The following CHL1 variants were observed in gnomAD, a reference collection of about 807,000 sequenced individuals.
CHL1 encodes the protein cell adhesion molecule L1 like.
In CHL1, 96 loss-of-function variants were observed where a neutral mutation model predicts 141.9. The ratio of observed to expected loss-of-function variants is 0.68; its 90% CI spans 0.57 to 0.80. The LOEUF is 0.80. Among genes scored for constraint, CHL1 ranks in the 30% least tolerant of loss-of-function variants. The pLI, the probability that CHL1 is intolerant of heterozygous loss-of-function variation, is 0.00. For missense variants in CHL1, 1,820 were observed against 1,457.2 expected (o/e 1.25, Z -4.05); for synonymous variants, 613 against 502.2 (o/e 1.22, Z -2.95).
chr3:231,038 C>A (rs1248132917), intron 1 of CHL1, among the ~76,000 whole-genome samples: 1 of 152,132 alleles, frequency 6.6e-6, no homozygotes, highest in Admixed American at 6.5e-5. Flanking sequence ...TAATCTCAAC[C>A]AATTTTCCTT....
rs190481078 is a variant in CHL1, at chr3:241,303, G to A, written c.-174-3310G>A. Among the ~76,000 whole-genome samples, 146 of 152,274 alleles carry A rather than the reference G, an allele frequency of 9.6e-4. 1 individual carries two copies. Among genetic ancestry groups the A allele is most frequent in the Admixed American group, 2.7e-3 (41 of 15,304 alleles). On this transcript the variant is annotated intron_variant, in intron 1 of 27. Transcript: ENST00000256509. ...TGAAGCCAAGTTTTCTTCCAGCATG[G>A]CAAGCAATCACCATTTCTCTTGCTG...
intron 1 of CHL1, among the ~76,000 whole-genome samples, chr3:222,437 G>A (rs1454452426): frequency 6.6e-6 from 1 of 152,176 alleles, no homozygotes; most frequent in Non-Finnish European, 1.5e-5. Context: ...ATATGCATGT[G>A]GAGAATCACA....
At position 205,915 on chromosome 3, in the gene CHL1, A is replaced by G. The variant is rs758169610; in HGVS notation, c.-175+8852A>G. Among the ~76,000 whole-genome samples the G allele has an allele frequency of 5.0e-4, 76 of 152,230 alleles. 1 individual carries two copies. Among genetic ancestry groups the G allele is most frequent in the Admixed American group, 2.0e-4 (3 of 15,286 alleles). Reference sequence around the variant, plus strand: ...CACAGAAGGGTCCTTGTCCAATGTCACACAATATGTCTTGCAGTACCAGAG... The same window carrying G: ...CACAGAAGGGTCCTTGTCCAATGTCGCACAATATGTCTTGCAGTACCAGAG... On this transcript the variant is annotated intron_variant, in intron 1 of 27. Coordinates refer to ENST00000256509, the MANE Select transcript of CHL1 (RefSeq NM_006614.4).
rs1385312106 is a variant in CHL1 at position 389,418 on chromosome 3, A to G, written c.2414A>G (p.Asn805Ser). The change falls in exon 20 of 28, where the codon AAT becomes AGT. Residue 805 changes from asparagine to serine, a missense_variant. Asn to Ser is a conservative substitution (Grantham distance 46). Coordinates refer to ENST00000256509, the MANE Select transcript of CHL1 (RefSeq NM_006614.4). The part of the protein sequence containing the change: ...APYDVKVQAI[N>S]QLGSGPDPQS... Reference sequence around the variant, plus strand: ...TATGATGTCAAGGTCCAGGCTATCAATCAACTAGGATCTGGGCCTGACCCT... The same window carrying G: ...TATGATGTCAAGGTCCAGGCTATCAGTCAACTAGGATCTGGGCCTGACCCT... 3.7e-6 allele frequency: 6 copies of G among 1,614,106 alleles called. No homozygotes were observed. In the African/African-American group the frequency reaches 4.0e-5, roughly 11 times the overall value.
chr3:234,808 A>T (rs996033385), intron 1 of CHL1, among the ~76,000 whole-genome samples: 5 of 152,266 alleles, frequency 3.3e-5, no homozygotes, highest in Admixed American at 3.3e-4. Context: ...TGCCAGACAC[A>T]GAATAGTCAA....
chr3:328,029 T>C, intron 4 of CHL1, 138 bp from the exon 5 acceptor site: 3 of 482,388 alleles, frequency 6.2e-6, no homozygotes, highest in Non-Finnish European at 1.1e-5. Context: ...CCCTTATTTA[T>C]ATCCTGTTAT....
chr3:343,467 T>C (rs1292177026), intron 8 of CHL1, among the ~76,000 whole-genome samples: 1 of 152,200 alleles, frequency 6.6e-6, no homozygotes, highest in Non-Finnish European at 1.5e-5. Context: ...CAACTGTACA[T>C]TGTGGCTTTC....
chr3:343,958 A>G (rs867443386), intron 8 of CHL1, among the ~76,000 whole-genome samples: 2 of 152,218 alleles, frequency 1.3e-5, no homozygotes, highest in South Asian at 4.1e-4. Context: ...AAGTCTTCTA[A>G]TTTGCCATTG....
At chr3:271,667 G>A (rs1695647635) in intron 2 of CHL1, among the ~76,000 whole-genome samples, 1 of 152,212 alleles carries the variant, frequency 6.6e-6, no homozygotes, top group African/African-American at 2.4e-5. Flanking sequence ...GCGCAGAGCA[G>A]AGAAGGCTGA....
rs59933682 is a variant in CHL1, at chr3:377,983, T to C, written c.1876+41T>C. On this transcript the variant is annotated intron_variant, in intron 16 of 27. Coordinates refer to ENST00000256509, the MANE Select transcript of CHL1 (RefSeq NM_006614.4). ...AATGAGAAATCTGTTCATTTCTTCA[T>C]TTCTGATTAAATCCCATCGTTCCTG... 6.1e-3 allele frequency: 9,513 copies of C among 1,549,682 alleles called. 510 individuals are homozygous for C. The African/African-American group carries it at 0.12, about 19-fold the overall frequency.
In CHL1 at chr3:321,040, G is replaced by C. The variant is rs55634091; in HGVS notation, c.91+1173G>C. ...AAAAGTGTTGGGACTTAACTAAAAC[G>C]TTGCTTTTGAAGTGCTCAGACAGAC... On this transcript the variant is annotated intron_variant, in intron 3 of 27. Coordinates refer to ENST00000256509, the MANE Select transcript of CHL1 (RefSeq NM_006614.4). 6.7e-3 allele frequency among the ~76,000 whole-genome samples: 1,026 copies of C among 152,028 alleles called. 8 individuals are homozygous for C. Among genetic ancestry groups the C allele is most frequent in the African/African-American group, 0.023 (972 of 41,494 alleles).
At chr3:324,954 T>C (rs1700893431) in intron 3 of CHL1, among the ~76,000 whole-genome samples, 1 of 151,910 alleles carries the variant, frequency 6.6e-6, no homozygotes, top group Admixed American at 6.6e-5. Context: ...ACAGAGTTTG[T>C]CACAAGAGGA....
At chr3:350,899 G>C (rs1283940352) in intron 10 of CHL1, among the ~76,000 whole-genome samples, 1 of 152,140 alleles carries the variant, frequency 6.6e-6, no homozygotes, top group Non-Finnish European at 1.5e-5. Flanking sequence ...GAGTTTGAAA[G>C]ATTTATGTTA....
At chr3:209,341 T>C (rs1044490754) in intron 1 of CHL1, among the ~76,000 whole-genome samples, 1 of 152,180 alleles carries the variant, frequency 6.6e-6, no homozygotes, top group African/African-American at 2.4e-5. Context: ...TTAATATATT[T>C]CTTCCGCAAG....
Position 385,441 on chromosome 3 carries a change from C to A in CHL1, c.2247+1555C>A, listed in dbSNP as rs572003929. Among the ~76,000 whole-genome samples the A allele has an allele frequency of 2.0e-4, 30 of 152,306 alleles. No homozygotes were observed. In the South Asian group the frequency reaches 6.0e-3, roughly 30 times the overall value. ...GGCCAGAAATCTTCAGTCTTTTTGA[C>A]TGCTCCTCTCACTCATAAGTCATTT... On this transcript the variant is annotated intron_variant, in intron 19 of 27. Transcript: ENST00000256509.
At chr3:269,044 C>T (rs1695411284) in intron 2 of CHL1, among the ~76,000 whole-genome samples, 2 of 152,154 alleles carry the variant, frequency 1.3e-5, no homozygotes, top group South Asian at 4.1e-4. Flanking sequence ...GCCTGGTATA[C>T]CATTTACTAA....
At chr3:279,042 C>T (rs887569044) in intron 2 of CHL1, among the ~76,000 whole-genome samples, 1 of 152,060 alleles carries the variant, frequency 6.6e-6, no homozygotes, top group Non-Finnish European at 1.5e-5. Context: ...GAAAAAGGGA[C>T]CCACAGAAAA....
At chr3:319,078 G>C (rs758037450) in intron 2 of CHL1, among the ~76,000 whole-genome samples, 1 of 148,972 alleles carries the variant, frequency 6.7e-6, no homozygotes, top group Non-Finnish European at 1.5e-5. Context: ...AATACCACAT[G>C]TTCTCATTTA....
At chr3:215,727 G>C (rs762849487) in intron 1 of CHL1, among the ~76,000 whole-genome samples, 7 of 151,988 alleles carry the variant, frequency 4.6e-5, no homozygotes, top group Non-Finnish European at 8.8e-5. Flanking sequence ...GCATTACAAA[G>C]TGACATCTAT....
Sources: allele counts gnomAD v4.1 joint callset (sites outside exome capture counted in the v4.1 genomes callset), GRCh38; gene constraint gnomAD v4.1.1; transcripts MANE v1.5; gene names NCBI Gene and HGNC (gene_info 2026-07-23, HGNC 2026-07-21).